The following ZNF362 variants were observed in gnomAD, a reference collection of about 807,000 sequenced individuals.
ZNF362 encodes zinc finger protein 362, also known as rotund homolog.
A neutral mutation model predicts 42.9 loss-of-function variants in ZNF362; 11 were observed. The observed-to-expected ratio is 0.26, with a 90% confidence interval of 0.16 to 0.42. ZNF362 has a LOEUF of 0.42. Ranked by LOEUF, ZNF362 falls within the 20% of genes least tolerant of loss-of-function variation. The pLI is 1.00. For missense variants in ZNF362, 362 were observed against 576.2 expected, an observed-to-expected ratio of 0.63 and a Z score of 3.81; for synonymous variants, 255 against 257.3, an observed-to-expected ratio of 0.99 and a Z score of 0.09.
the ZNF362 span, among the ~76,000 whole-genome samples, chr1:33,215,367 G>A: frequency 1.3e-5 from 2 of 152,200 alleles, no homozygotes; most frequent in East Asian, 3.9e-4. Context: ...GGGGTAGGGT[G>A]GGGTAGGGGA....
the ZNF362 span, among the ~76,000 whole-genome samples, chr1:33,132,349 C>T: frequency 6.6e-6 from 1 of 152,258 alleles, no homozygotes. Context: ...CTACTTCATT[C>T]TGCCCTGCAG....
At chr1:33,181,256 C>G in the ZNF362 span, 1 of 1,548,068 alleles carries the variant, frequency 6.5e-7, no homozygotes, top group Non-Finnish European at 8.7e-7. The surrounding 1 kb of genome is among the most constrained non-coding windows in gnomAD (Gnocchi z 6.5). Flanking sequence ...CCAGCGCGGG[C>G]TCGGCGAACG....
intron 1 of ZNF362, among the ~76,000 whole-genome samples, chr1:33,267,042 C>G (rs1173527587): frequency 6.6e-6 from 1 of 152,168 alleles, no homozygotes; most frequent in Non-Finnish European, 1.5e-5. Flanking sequence ...CCTGACTGCT[C>G]TCCTGGCTGG....
chr1:33,298,892 T>G, intron 8 of ZNF362, 38 bp from the exon 9 acceptor site: 1 of 1,571,192 alleles, frequency 6.4e-7, no homozygotes, highest in Non-Finnish European at 8.8e-7. Context: ...CCTCCCTTGC[T>G]GGTGGTTCCC....
At chr1:33,237,642 A>G in the ZNF362 span, among the ~76,000 whole-genome samples, 1 of 152,154 alleles carries the variant, frequency 6.6e-6, no homozygotes, top group East Asian at 1.9e-4. Flanking sequence ...AGTCCTCATG[A>G]TGATCTGTGG....
intron 1 of ZNF362, among the ~76,000 whole-genome samples, chr1:33,257,727 G>A (rs1204407001): frequency 6.6e-6 from 1 of 152,168 alleles, no homozygotes; most frequent in African/African-American, 2.4e-5. Flanking sequence ...TTCCAGCAAA[G>A]ACCCCTGGCA....
chr1:33,287,133 A>G (rs1331286167), intron 6 of ZNF362, among the ~76,000 whole-genome samples: 1 of 152,202 alleles, frequency 6.6e-6, no homozygotes, highest in Non-Finnish European at 1.5e-5. Flanking sequence ...TAAACACCAC[A>G]TGGATTTATA....
chr1:33,293,356 A>G (rs936831713), intron 6 of ZNF362, among the ~76,000 whole-genome samples: 2 of 152,034 alleles, frequency 1.3e-5, no homozygotes, highest in African/African-American at 4.8e-5. Context: ...GGGATGCTGG[A>G]CCACCTGGTG....
chr1:33,299,695 A>C lies in ZNF362; in HGVS notation c.*649A>C, dbSNP rs980908685. 1.3e-5 allele frequency: 2 copies of C among 152,326 alleles called. No homozygotes were observed. Among genetic ancestry groups the C allele is most frequent in the Non-Finnish European group, 1.5e-5 (1 of 68,146 alleles). 9.4% of individuals were successfully genotyped at this position (152,326 alleles called of 1,614,324 possible). ...CAGAAACGAGAGGGGTGGGAGATCC[A>C]CAGGACCAAAGGGTGCAGTGATGGG... is the stretch of plus-strand genomic sequence containing the variant. On this transcript the variant is annotated 3_prime_UTR_variant, in exon 9 of 9. Transcript: ENST00000539719.
chr1:33,257,352 G>C (rs1183538694), intron 1 of ZNF362, among the ~76,000 whole-genome samples: 1 of 150,126 alleles, frequency 6.7e-6, no homozygotes, highest in Non-Finnish European at 1.5e-5. Context: ...CGGGCGATTT[G>C]AGGGGGGAGG....
At chr1:33,247,734 G>A in the ZNF362 span, among the ~76,000 whole-genome samples, 3 of 152,354 alleles carry the variant, frequency 2.0e-5, no homozygotes, top group East Asian at 1.9e-4. Flanking sequence ...GATGTGCTGC[G>A]AGGATCCAGC....
chr1:33,270,357 C>CA, intron 1 of ZNF362, 130 bp from the exon 2 acceptor site: 1 of 513,194 alleles, frequency 1.9e-6, no homozygotes, highest in Non-Finnish European at 3.5e-6. Flanking sequence ...ACGTGCATCT[C>CA]AGAGTCATTG....
At chr1:33,288,595 A>G (rs1424440287) in intron 6 of ZNF362, among the ~76,000 whole-genome samples, 2 of 151,848 alleles carry the variant, frequency 1.3e-5, no homozygotes, top group East Asian at 3.9e-4. Flanking sequence ...ATACAAAAAA[A>G]TTAGCCGAGC....
In ZNF362 at chr1:33,280,188, G is replaced by C. The variant is rs780087741; in HGVS notation, c.414G>C (p.Thr138=). 1 of 1,612,742 alleles carries C rather than the reference G, an allele frequency of 6.2e-7. No individual in the cohort carries two copies. The highest frequency in any genetic ancestry group is 8.5e-7 in the Non-Finnish European group (1 of 1,179,192). Reference sequence around the variant, plus strand: ...CTGAGTCAAGCGCGGGCGCGGGCACGGGCACGGGTACCAGCACCCCGTCCA... The same window carrying C: ...CTGAGTCAAGCGCGGGCGCGGGCACCGGCACGGGTACCAGCACCCCGTCCA... ...STSESSAGAG[T]GTGTSTPSTP... is the part of the protein sequence containing the mutation. Residue 138 remains threonine, a synonymous_variant, in exon 5 of 9, where the codon ACG becomes ACC. Transcript: ENST00000539719. This position sits in a 1 kb window ranked among gnomAD's most constrained non-coding sequence, Gnocchi z 5.6.
At chr1:33,183,371 T>C in the ZNF362 span, among the ~76,000 whole-genome samples, 1 of 152,242 alleles carries the variant, frequency 6.6e-6, no homozygotes, top group Non-Finnish European at 1.5e-5. Flanking sequence ...CACACCCTCA[T>C]CTGGCCCAGA....
At chr1:33,207,194 T>C in the ZNF362 span, among the ~76,000 whole-genome samples, 1 of 147,330 alleles carries the variant, frequency 6.8e-6, no homozygotes, top group Non-Finnish European at 1.5e-5. Context: ...AGTGAGAACA[T>C]GCGGTGTTTG....
chr1:33,134,819 C>T, the ZNF362 span, among the ~76,000 whole-genome samples: 1 of 152,190 alleles, frequency 6.6e-6, no homozygotes, highest in Non-Finnish European at 1.5e-5. Flanking sequence ...CTGAAACAGT[C>T]CTGTGCTCCC....
Position 33,276,600 on chromosome 1 carries a change from C to T in ZNF362, c.349+6C>T, listed in dbSNP as rs1645949549. ...GGCCACCAGCACCGTCACAGGTAGG[C>T]CGAGCGGGCGGGGCCGGCGGGGCCG... On this transcript the variant is annotated splice_donor_region_variant and intron_variant, in intron 4 of 8. Coordinates refer to ENST00000539719, the MANE Select transcript of ZNF362 (RefSeq NM_152493.3). 9.0e-6 allele frequency: 12 copies of T among 1,339,406 alleles called. No individual in the cohort carries two copies. Among genetic ancestry groups the T allele is most frequent in the Non-Finnish European group, 1.1e-5 (12 of 1,050,358 alleles). 83.0% of individuals were successfully genotyped at this position (1,339,406 alleles called of 1,614,324 possible).
the ZNF362 span, among the ~76,000 whole-genome samples, chr1:33,233,144 A>G: frequency 6.6e-6 from 1 of 152,170 alleles, no homozygotes; most frequent in Admixed American, 6.5e-5. Flanking sequence ...CATCCTCCTC[A>G]GCTTCAGATG....
Sources: gnomAD v4.1 joint callset for allele counts (sites outside exome capture counted in the v4.1 genomes callset) on GRCh38, gnomAD v4.1.1 for gene constraint, Gnocchi (gnomAD v3.1) non-coding constraint, MANE v1.5 for transcripts, NCBI Gene and HGNC (gene_info 2026-07-23, HGNC 2026-07-21) for gene names.